The following ENKUR variants were observed in gnomAD, a reference collection of about 807,000 sequenced individuals.
ENKUR encodes enkurin, TRPC channel interacting protein, also known as enkurin.
A neutral mutation model predicts 27.6 loss-of-function variants in ENKUR; 19 were observed. The ratio of observed to expected loss-of-function variants is 0.69; its 90% confidence interval spans 0.48 to 1.01. The LOEUF (loss-of-function observed/expected upper bound fraction) is 1.01. Ranked by LOEUF, ENKUR falls within the 50% of genes least tolerant of loss-of-function variation. The pLI is 0.00. For synonymous variants in ENKUR, 117 were observed against 96.9 expected (o/e 1.21, Z -1.22); for missense variants, 312 against 310.5 (o/e 1.00, Z -0.04).
rs1873737 is a variant in ENKUR, at chr10:25,016,004, C to T, written c.-68G>A. On this transcript the variant is annotated 5_prime_UTR_variant, in exon 1 of 6. Coordinates refer to ENST00000331161, the MANE Select transcript of ENKUR (RefSeq NM_145010.4). ...TTCTCCCTGTCCCAGTATCTCCGTC[C>T]CTTTCTTCACTGCTTCCCCTTTCTT... The T allele has an allele frequency of 0.013, 19,840 of 1,551,018 alleles. 2,116 individuals are homozygous for T. In the African/African-American group the frequency reaches 0.24, roughly 19 times the overall value.
At chr10:25,005,698 C>T (rs890742677) in intron 1 of ENKUR, among the ~76,000 whole-genome samples, 1 of 152,182 alleles carries the variant, frequency 6.6e-6, no homozygotes, top group South Asian at 2.1e-4. Flanking sequence ...AGGCTCATGT[C>T]TATATCAAGT....
chr10:24,989,635 A>G (rs776568749), intron 4 of ENKUR, among the ~76,000 whole-genome samples: 2 of 152,250 alleles, frequency 1.3e-5, no homozygotes, highest in African/African-American at 2.4e-5. Context: ...AGGGTTTAGC[A>G]TTTAAGAAAT....
chr10:25,029,741 T>G (rs2130452558), intron 2 of ENKUR, among the ~76,000 whole-genome samples: 1 of 152,258 alleles, frequency 6.6e-6, no homozygotes, highest in South Asian at 2.1e-4. Context: ...ACAAACAGTC[T>G]CCTTCAAAAA....
intron 1 of ENKUR, among the ~76,000 whole-genome samples, chr10:25,003,955 G>C (rs1850253603): frequency 6.6e-6 from 1 of 152,182 alleles, no homozygotes; most frequent in Non-Finnish European, 1.5e-5. Flanking sequence ...GTGTTAGTTT[G>C]CTAAGGATAA....
intron 2 of ENKUR, among the ~76,000 whole-genome samples, chr10:25,049,642 G>A (rs1015036405): frequency 6.6e-6 from 1 of 152,026 alleles, no homozygotes; most frequent in Non-Finnish European, 1.5e-5. Flanking sequence ...ACAAAAATTA[G>A]CCAGATGTGG....
In ENKUR at chr10:24,995,732, G is replaced by A. The variant is rs775364370; in HGVS notation, c.361C>T (p.Pro121Ser). Residue 121 changes from proline to serine, a missense_variant, in exon 3 of 6, where the codon CCT becomes TCT. Pro to Ser is a moderately conservative substitution (Grantham distance 74). Coordinates refer to ENST00000331161, the MANE Select transcript of ENKUR (RefSeq NM_145010.4). ...ADIIMGVAKKPKPIYVDKRTG... is the reference protein window; with the variant it reads ...ADIIMGVAKKSKPIYVDKRTG... The stretch of plus-strand genomic sequence containing the variant: ...CTTTTATCAACATAAATTGGTTTAG[G>A]CTTTTTAGCCACTCCCATGATGATA... 6.8e-6 allele frequency: 11 copies of A among 1,613,894 alleles called. No homozygotes were observed. The highest frequency in any genetic ancestry group is 9.3e-6 in the Non-Finnish European group (11 of 1,179,968).
intron 2 of ENKUR, 54 bp from the exon 3 acceptor site, chr10:24,995,923 G>C (rs1406853448): frequency 7.2e-7 from 1 of 1,382,862 alleles, no homozygotes; most frequent in Non-Finnish European, 9.9e-7. Context: ...CTGCTACTCA[G>C]TGCTATTTAT....
intron 2 of ENKUR, chr10:25,024,646 C>G (rs200567760): frequency 6.2e-7 from 1 of 1,614,182 alleles, no homozygotes; most frequent in Non-Finnish European, 8.5e-7. Flanking sequence ...AAACTGGGGC[C>G]GACTACTTCC....
chr10:25,044,565 T>C (rs200813591), intron 2 of ENKUR, among the ~76,000 whole-genome samples: 1 of 152,066 alleles, frequency 6.6e-6, no homozygotes, highest in Non-Finnish European at 1.5e-5. Context: ...CCTGGCTAAT[T>C]TTTTCATATT....
chr10:25,060,634 A>G (rs968946669), intron 2 of ENKUR, among the ~76,000 whole-genome samples: 1 of 152,140 alleles, frequency 6.6e-6, no homozygotes, highest in African/African-American at 2.4e-5. Flanking sequence ...CCTAAATTGA[A>G]TGCTAGAGAC....
At chr10:25,030,034 G>A (rs1324889061) in intron 2 of ENKUR, among the ~76,000 whole-genome samples, 1 of 152,112 alleles carries the variant, frequency 6.6e-6, no homozygotes. Context: ...CTGTTCATTA[G>A]GTAATCCAAC....
Position 25,052,068 on chromosome 10 carries a change from C to T in ENKUR, c.37+9044G>A, listed in dbSNP as rs79809361. ...GCACCAAAGAATAGAGCAGAAAGTCCATTGTCATTTATCATTAACTAGAAA... is the reference window on the plus strand; with the variant it reads ...GCACCAAAGAATAGAGCAGAAAGTCTATTGTCATTTATCATTAACTAGAAA... On this transcript the variant is annotated intron_variant, in intron 2 of 5. Transcript: ENST00000615958. Among the ~76,000 whole-genome samples, 67 of 152,256 alleles carry T rather than the reference C, an allele frequency of 4.4e-4. 3 individuals carry two copies. In the East Asian group the frequency reaches 0.013, roughly 28 times the overall value.
At chr10:25,023,632 A>G (rs780921795) in intron 2 of ENKUR, 4 of 1,614,188 alleles carry the variant, frequency 2.5e-6, no homozygotes, top group African/African-American at 1.3e-5. Flanking sequence ...GTCCAATCCA[A>G]TGCATGATGC....
At chr10:25,049,551 G>T (rs1851160214) in intron 2 of ENKUR, among the ~76,000 whole-genome samples, 1 of 152,136 alleles carries the variant, frequency 6.6e-6, no homozygotes, top group Non-Finnish European at 1.5e-5. Context: ...ACTTTGGGAG[G>T]CTGAAGCAGG....
At chr10:24,997,997 A>C (rs1850102353) in intron 2 of ENKUR, among the ~76,000 whole-genome samples, 1 of 152,130 alleles carries the variant, frequency 6.6e-6, no homozygotes, top group Non-Finnish European at 1.5e-5. Flanking sequence ...GACTAGAGGA[A>C]GATACAAAAG....
At chr10:25,024,816 C>T in intron 2 of ENKUR, 1 of 1,614,188 alleles carries the variant, frequency 6.2e-7, no homozygotes, top group Non-Finnish European at 8.5e-7. Context: ...GAAAATTTAT[C>T]TGTGCCTCTA....
chr10:25,032,320 G>GGGC (rs1850944939), intron 2 of ENKUR, among the ~76,000 whole-genome samples: 2 of 149,722 alleles, frequency 1.3e-5, no homozygotes, highest in African/African-American at 5.0e-5. Flanking sequence ...AAGAAGGGGG[G>GGGC]GGGGCTATGA....
chr10:25,059,838 A>G (rs1022709634), intron 2 of ENKUR, among the ~76,000 whole-genome samples: 2 of 151,836 alleles, frequency 1.3e-5, no homozygotes, highest in African/African-American at 2.4e-5. Flanking sequence ...AAAAAAAAAA[A>G]GAAGGAAAGA....
At chr10:24,997,377 CTTT>C (rs78966878) in intron 2 of ENKUR, among the ~76,000 whole-genome samples, 1 of 139,144 alleles carries the variant, frequency 7.2e-6, no homozygotes. Context: ...CCCTGCATTC[CTTT>C]TTTTTTTTTT....
Sources: allele counts gnomAD v4.1 joint callset (sites outside exome capture counted in the v4.1 genomes callset), GRCh38; gene constraint gnomAD v4.1.1; transcripts MANE v1.5; gene names NCBI Gene and HGNC (gene_info 2026-07-23, HGNC 2026-07-21).